TRRAP: variants seen among roughly 807,000 people sequenced by gnomAD.
TRRAP encodes the protein transformation/transcription domain associated protein, also known as transformation/transcription domain-associated protein.
Under a neutral mutation model 438.8 loss-of-function variants are expected in TRRAP, and 41 were observed. The observed-to-expected ratio is 0.09, with a 90% confidence interval of 0.07 to 0.12. The LOEUF (loss-of-function observed/expected upper bound fraction) is 0.12, where lower values mean the gene tolerates loss of function less well. TRRAP is among the 10% of genes least tolerant of loss of function. The pLI, the probability that TRRAP is intolerant of heterozygous loss-of-function variation, is 1.00. For synonymous variants in TRRAP, 1,994 were observed against 1,962.9 expected, an observed-to-expected ratio of 1.02 and a Z score of -0.42; for missense variants, 3,122 against 5,055.1, an observed-to-expected ratio of 0.62 and a Z score of 11.60.
chr7:98,991,993 C>G, intron 64 of TRRAP, 144 bp from the exon 65 acceptor site: 1 of 812,556 alleles, frequency 1.2e-6, no homozygotes, highest in Admixed American at 2.0e-5. Context: ...TGCGTCAGAT[C>G]AGTGCTGCAG....
At chr7:98,925,647 A>G (rs527930643) in intron 22 of TRRAP, among the ~76,000 whole-genome samples, 1 of 152,288 alleles carries the variant, frequency 6.6e-6, no homozygotes, top group South Asian at 2.1e-4. Context: ...TTCTCCAGAT[A>G]TTTCTCATGT....
intron 51 of TRRAP, 152 bp from the exon 52 acceptor site, chr7:98,969,960 C>T (rs1792336336): frequency 2.4e-6 from 2 of 847,518 alleles, no homozygotes; most frequent in East Asian, 5.2e-5. Flanking sequence ...GGAAGCCCGT[C>T]TGGTTGGGGA....
At chr7:98,915,639 G>A (rs782126653) in intron 18 of TRRAP, 84 bp from the exon 19 acceptor site, 230 of 1,490,358 alleles carry the variant, frequency 1.5e-4, no homozygotes, top group Non-Finnish European at 1.9e-4. Context: ...CATTGCTGTC[G>A]GATTACAGTG....
chr7:98,940,488 G>A (rs1790752075), intron 30 of TRRAP, among the ~76,000 whole-genome samples: 1 of 152,168 alleles, frequency 6.6e-6, no homozygotes, highest in South Asian at 2.1e-4. Flanking sequence ...CTTCAGACCT[G>A]CTGTGAGCTG....
At chr7:98,942,237 G>A (rs1037127923) in intron 30 of TRRAP, among the ~76,000 whole-genome samples, 1 of 152,166 alleles carries the variant, frequency 6.6e-6, no homozygotes, top group African/African-American at 2.4e-5. Context: ...AGGGAATTGT[G>A]GCCCTATGGC....
chr7:98,942,828 A>T, intron 30 of TRRAP, 121 bp from the exon 31 acceptor site: 1 of 1,049,580 alleles, frequency 9.5e-7, no homozygotes, highest in African/African-American at 1.6e-5. Context: ...GCGCTGTTTT[A>T]ATAATGGAAA....
chr7:98,975,883 AC>A, intron 53 of TRRAP: 1 of 407,360 alleles, frequency 2.5e-6, no homozygotes, highest in Non-Finnish European at 4.4e-6. Flanking sequence ...GTGTTAAGAA[AC>A]CCCCTTAAAA....
rs199954396 is a variant in TRRAP at position 98,956,113 on chromosome 7, T to C, written c.5938-33T>C. On this transcript the variant is annotated intron_variant, in intron 41 of 72. Transcript: ENST00000456197. The surrounding 1 kb of genome is among the most constrained non-coding windows in gnomAD (Gnocchi z 4.5). ...CATGCACTGTGGGACCAAGCTCCCATGTTCCGGCGTGATGCTGGCCCTGCG... is the reference window on the plus strand; with the variant it reads ...CATGCACTGTGGGACCAAGCTCCCACGTTCCGGCGTGATGCTGGCCCTGCG... 209 of 1,474,828 alleles carry C rather than the reference T, an allele frequency of 1.4e-4. No homozygotes were observed. Among genetic ancestry groups the C allele is most frequent in the African/African-American group, 3.3e-4 (14 of 42,806 alleles). 91.4% of individuals were successfully genotyped at this position (1,474,828 alleles called of 1,614,324 possible). A position where few individuals can be genotyped will look rare whatever the true frequency, so the allele number is the denominator to read the frequency against.
rs781968852 is a variant in TRRAP at position 98,956,289 on chromosome 7, G to A, written c.6081G>A (p.Arg2027=). Residue 2027 remains arginine (R), a synonymous_variant, in exon 42 of 73, where the codon AGG becomes AGA. Coordinates refer to ENST00000456197, the MANE Select transcript of TRRAP (RefSeq NM_001375524.1). This position sits in a 1 kb window ranked among gnomAD's most constrained non-coding sequence, Gnocchi z 4.5. The part of the protein sequence containing the change: ...SEVVIKWELQ[R]IKDQQPDSDM... ...TCGTCATCAAGTGGGAGCTGCAGAG[G>A]ATCAAGGACCAGCAGGTAGGGGTGT... 13 of 1,614,116 alleles carry A rather than the reference G, an allele frequency of 8.1e-6. No individual in the cohort carries two copies. In the Admixed American group the frequency reaches 2.2e-4, roughly 27 times the overall value.
intron 2 of TRRAP, chr7:98,881,726 G>C: frequency 2.2e-6 from 1 of 448,854 alleles, no homozygotes; most frequent in South Asian, 4.2e-5. Context: ...ACTGGCTGGA[G>C]CCCCAAAGAG....
chr7:98,937,027 A>G, intron 28 of TRRAP, 129 bp from the exon 29 acceptor site: 1 of 1,206,896 alleles, frequency 8.3e-7, no homozygotes, highest in Non-Finnish European at 1.1e-6. Flanking sequence ...CAGGAGTTAG[A>G]GATGAACCTG....
intron 9 of TRRAP, 54 bp from the exon 10 acceptor site, chr7:98,899,625 T>A: frequency 6.2e-7 from 1 of 1,608,698 alleles, no homozygotes; most frequent in Non-Finnish European, 8.5e-7. Flanking sequence ...TATGCCAGAT[T>A]TTGTCGCCAT....
chr7:98,993,833 C>T (rs951435368), intron 66 of TRRAP, 96 bp downstream of exon 66: 18 of 1,267,024 alleles, frequency 1.4e-5, no homozygotes, highest in Admixed American at 9.9e-5. Context: ...CTTTAGTTGC[C>T]GGTCCTTTTA....
intron 14 of TRRAP, among the ~76,000 whole-genome samples, chr7:98,909,339 AC>A (rs1355874969): frequency 6.6e-6 from 1 of 152,000 alleles, no homozygotes; most frequent in Non-Finnish European, 1.5e-5. Flanking sequence ...CCAAACTTGA[AC>A]CAGTGCTGTA....
At chr7:98,939,416 C>G (rs551502150) in intron 30 of TRRAP, among the ~76,000 whole-genome samples, 1 of 152,134 alleles carries the variant, frequency 6.6e-6, no homozygotes, top group East Asian at 1.9e-4. Context: ...ATGAAAGACA[C>G]GTAGCTTTTT....
chr7:98,890,034 T>C (rs571078882), intron 3 of TRRAP, among the ~76,000 whole-genome samples: 1 of 152,286 alleles, frequency 6.6e-6, no homozygotes, highest in African/African-American at 2.4e-5. Context: ...AATAACTTCA[T>C]AGAGGTTTCA....
At chr7:98,979,269 G>A (rs1435066902) in intron 58 of TRRAP, among the ~76,000 whole-genome samples, 1 of 152,094 alleles carries the variant, frequency 6.6e-6, no homozygotes, top group Non-Finnish European at 1.5e-5. Flanking sequence ...CAGTATCCAG[G>A]ACACCCCAGC....
intron 29 of TRRAP, 35 bp from the exon 30 acceptor site, chr7:98,937,615 G>A: frequency 6.3e-7 from 1 of 1,579,534 alleles, no homozygotes; most frequent in Non-Finnish European, 8.6e-7. Context: ...GTCCTCAGTT[G>A]TCTATTTTTC....
chr7:98,922,278 G>A (rs868956514), intron 21 of TRRAP, among the ~76,000 whole-genome samples: 4 of 152,256 alleles, frequency 2.6e-5, no homozygotes, highest in Admixed American at 2.0e-4. Flanking sequence ...GTCTGTCTTC[G>A]CAGCCACACG....
Sources: gnomAD v4.1 joint callset for allele counts (sites outside exome capture counted in the v4.1 genomes callset) on GRCh38, gnomAD v4.1.1 for gene constraint, Gnocchi (gnomAD v3.1) non-coding constraint, MANE v1.5 for transcripts, NCBI Gene and HGNC (gene_info 2026-07-23, HGNC 2026-07-21) for gene names.